The following IL1RAPL2 variants were observed in gnomAD, a reference collection of about 807,000 sequenced individuals.
IL1RAPL2 encodes interleukin 1 receptor accessory protein like 2.
In IL1RAPL2, 3 loss-of-function variants were observed where a neutral mutation model predicts 44.1. That is an observed-to-expected ratio of 0.07 (90% CI 0.03 to 0.18). The LOEUF (loss-of-function observed/expected upper bound fraction) is 0.18. Among genes scored for constraint, IL1RAPL2 ranks in the 10% least tolerant of loss-of-function variants. The pLI is 1.00. For missense variants in IL1RAPL2, 391 were observed against 496.4 expected (o/e 0.79, Z 2.02); for synonymous variants, 181 against 178.8 (o/e 1.01, Z -0.10).
At chrX:105,711,194 G>A (rs1461802864) in intron 6 of IL1RAPL2, among the ~76,000 whole-genome samples, 1 of 109,974 alleles carries the variant, frequency 9.1e-6, no homozygotes, top group Non-Finnish European at 1.9e-5. Context: ...ATTTTCTACT[G>A]CTGTAACAGA....
At chrX:105,353,414 G>C (rs192629863) in intron 5 of IL1RAPL2, among the ~76,000 whole-genome samples, 5 of 111,339 alleles carry the variant, frequency 4.5e-5, no homozygotes, top group Non-Finnish European at 9.4e-5. Flanking sequence ...GGCAACGCGG[G>C]CTCTTTTTTG....
chrX:105,417,058 C>A (rs2035738146), intron 5 of IL1RAPL2, among the ~76,000 whole-genome samples: 1 of 112,384 alleles, frequency 8.9e-6, no homozygotes, highest in South Asian at 3.7e-4. Context: ...TGAAATAAAG[C>A]ATTTAATGAT....
At chrX:105,036,647 C>G (rs2031634427) in intron 2 of IL1RAPL2, among the ~76,000 whole-genome samples, 1 of 112,079 alleles carries the variant, frequency 8.9e-6, no homozygotes, top group African/African-American at 3.2e-5. Context: ...CTGTCCTGCA[C>G]CTGCTCTAAT....
At chrX:105,429,788 A>G (rs2035835461) in intron 5 of IL1RAPL2, among the ~76,000 whole-genome samples, 1 of 111,915 alleles carries the variant, frequency 8.9e-6, no homozygotes, top group African/African-American at 3.2e-5. Flanking sequence ...CACATTTTAT[A>G]TGCAAAAAGA....
chrX:105,705,991 T>A (rs1042957878), intron 6 of IL1RAPL2, among the ~76,000 whole-genome samples: 15 of 111,644 alleles, frequency 1.3e-4, no homozygotes, highest in Non-Finnish European at 2.5e-4. Flanking sequence ...TGTGATTTAA[T>A]TTTATAGCAT....
chrX:105,169,470 G>T (rs1289403180), intron 2 of IL1RAPL2, among the ~76,000 whole-genome samples: 1 of 84,712 alleles, frequency 1.2e-5, no homozygotes. Context: ...TTTTGGTTGA[G>T]AAACTTTCAG....
At chrX:105,260,058 A>C (rs1258010294) in intron 4 of IL1RAPL2, among the ~76,000 whole-genome samples, 1 of 112,307 alleles carries the variant, frequency 8.9e-6, no homozygotes, top group East Asian at 2.8e-4. Flanking sequence ...TTGCTAGCCC[A>C]AAGTCACCTG....
intron 6 of IL1RAPL2, among the ~76,000 whole-genome samples, chrX:105,491,681 G>A (rs777882012): frequency 3.6e-5 from 4 of 111,777 alleles, no homozygotes; most frequent in Admixed American, 9.5e-5. Context: ...CAAGCTTAGC[G>A]TGAGCTACCC....
intron 2 of IL1RAPL2, among the ~76,000 whole-genome samples, chrX:104,853,172 T>C (rs945154249): frequency 1.8e-5 from 2 of 112,280 alleles, no homozygotes; most frequent in African/African-American, 3.2e-5. Flanking sequence ...ATTAAGGGAA[T>C]TGATCATTAT....
chrX:105,706,076 G>A (rs1369097660), intron 6 of IL1RAPL2, among the ~76,000 whole-genome samples: 1 of 110,606 alleles, frequency 9.0e-6, no homozygotes, highest in African/African-American at 3.3e-5. Context: ...ACTTATTGAA[G>A]ACAGAACTAG....
chrX:105,164,054 G>A (rs1216599573), intron 2 of IL1RAPL2, among the ~76,000 whole-genome samples: 1 of 103,276 alleles, frequency 9.7e-6, no homozygotes, highest in Non-Finnish European at 2.0e-5. Context: ...AACAGTTAAA[G>A]GTAGGAAAAA....
chrX:105,113,582 C>A (rs1039630575), intron 2 of IL1RAPL2, among the ~76,000 whole-genome samples: 2 of 112,051 alleles, frequency 1.8e-5, no homozygotes, highest in African/African-American at 3.3e-5. Context: ...TGTCTCAGAG[C>A]AGGCCTTTTC....
intron 6 of IL1RAPL2, among the ~76,000 whole-genome samples, chrX:105,495,677 G>A (rs1168696505): frequency 1.8e-5 from 2 of 111,637 alleles, no homozygotes; most frequent in Non-Finnish European, 3.8e-5. Flanking sequence ...TGTGTCTTAA[G>A]GCTGATTGTT....
rs1221442617 is a variant in IL1RAPL2 at position 104,950,334 on chromosome X, C to CCAG, written c.83-245139_83-245137dup. On this transcript the variant is annotated intron_variant, in intron 2 of 10. Coordinates refer to ENST00000372582, the MANE Select transcript of IL1RAPL2 (RefSeq NM_017416.2). Reference sequence around the variant, plus strand: ...AGGCAGTCTGCCCGTTCTCAGATCTCCAGCTGCGTGCTGGGAGAACCACTG... The same window carrying CCAG: ...AGGCAGTCTGCCCGTTCTCAGATCTCCAGCAGCTGCGTGCTGGGAGAACCACTG... 6.2e-5 allele frequency among the ~76,000 whole-genome samples: 7 copies of CCAG among 112,384 alleles called. No individual in the cohort carries two copies. In the Admixed American group the frequency reaches 6.6e-4, roughly 11 times the overall value.
chrX:104,930,086 G>T (rs1165099620), intron 2 of IL1RAPL2, among the ~76,000 whole-genome samples: 1 of 111,451 alleles, frequency 9.0e-6, no homozygotes, highest in Non-Finnish European at 1.9e-5. Flanking sequence ...CAGCTGAACT[G>T]CTGCCTCAGG....
chrX:105,471,278 A>G lies in IL1RAPL2; in HGVS notation c.698-13035A>G, dbSNP rs182687761. ...CTTAGGAATCATGACCAAGGTCACA[A>G]AGTAAGTGCTAGAGCCAGAACTAAG... is the stretch of plus-strand genomic sequence containing the variant. On this transcript the variant is annotated intron_variant, in intron 5 of 10. Transcript: ENST00000372582. 2.7e-4 allele frequency among the ~76,000 whole-genome samples: 30 copies of G among 112,092 alleles called. 1 individual carries two copies. The South Asian group carries it at 7.4e-3, about 28-fold the overall frequency.
Position 105,043,274 on chromosome X carries a change from A to G in IL1RAPL2, c.83-152201A>G, listed in dbSNP as rs561175163. The stretch of plus-strand genomic sequence containing the variant: ...AGAGAGTATTTGTGTGGCACACTGG[A>G]TATCACGGCAGACTAGCCAGGGGCT... On this transcript the variant is annotated intron_variant, in intron 2 of 10. Coordinates refer to ENST00000372582, the MANE Select transcript of IL1RAPL2 (RefSeq NM_017416.2). Among the ~76,000 whole-genome samples the G allele has an allele frequency of 7.2e-5, 8 of 111,021 alleles. No individual in the cohort carries two copies. In the South Asian group the frequency reaches 3.1e-3, roughly 43 times the overall value.
chrX:105,363,288 TAATATATATATATATATATA>T (rs1301161954), intron 5 of IL1RAPL2, among the ~76,000 whole-genome samples: 12 of 71,170 alleles, frequency 1.7e-4, no homozygotes, highest in African/African-American at 1.1e-3. Flanking sequence ...TATATATATA[TAATATATATATATATATATA>T]ATATATATAT....
intron 3 of IL1RAPL2, among the ~76,000 whole-genome samples, chrX:105,206,145 A>G (rs1389290962): frequency 1.8e-5 from 2 of 111,578 alleles, no homozygotes; most frequent in African/African-American, 3.3e-5. Flanking sequence ...AACAAAGATC[A>G]TAGTACCTAC....
Sources: gnomAD v4.1 joint callset for allele counts (sites outside exome capture counted in the v4.1 genomes callset) on GRCh38, gnomAD v4.1.1 for gene constraint, MANE v1.5 for transcripts, NCBI Gene and HGNC (gene_info 2026-07-23, HGNC 2026-07-21) for gene names.